The following FER1L6 variants were observed in gnomAD, a reference collection of about 807,000 sequenced individuals.
FER1L6 encodes fer-1-like protein 6.
A neutral mutation model predicts 219.2 loss-of-function variants in FER1L6; 177 were observed. The ratio of observed to expected loss-of-function variants is 0.81; its 90% CI spans 0.71 to 0.91. The LOEUF is 0.91. Among genes scored for constraint, FER1L6 ranks in the 40% least tolerant of loss-of-function variants. FER1L6 has a pLI of 0.00. For synonymous variants in FER1L6, 768 were observed against 824.3 expected (o/e 0.93, Z 1.17); for missense variants, 2,153 against 2,259.9 (o/e 0.95, Z 0.96).
chr8:123,911,921 G>A (rs573226878), intron 1 of FER1L6, among the ~76,000 whole-genome samples: 22 of 152,258 alleles, frequency 1.4e-4, no homozygotes, highest in East Asian at 1.4e-3. Context: ...AACAGCTGGC[G>A]TGTGCGCTGT....
chr8:123,912,841 A>T (rs1362998627), intron 1 of FER1L6, among the ~76,000 whole-genome samples: 1 of 152,230 alleles, frequency 6.6e-6, no homozygotes, highest in African/African-American at 2.4e-5. Context: ...CTGTTGCCCT[A>T]AATCCTCAAC....
At chr8:124,087,381 T>C (rs1049771419) in intron 33 of FER1L6, among the ~76,000 whole-genome samples, 1 of 152,150 alleles carries the variant, frequency 6.6e-6, no homozygotes, top group African/African-American at 2.4e-5. Flanking sequence ...CATTCTTCAG[T>C]ATGTCTGTTG....
At chr8:123,973,874 T>C (rs1815932702) in intron 7 of FER1L6, among the ~76,000 whole-genome samples, 2 of 152,208 alleles carry the variant, frequency 1.3e-5, no homozygotes. Flanking sequence ...ACTTAACTTC[T>C]CTGGGCCTCA....
chr8:124,048,369 T>C (rs1819830041), intron 21 of FER1L6, among the ~76,000 whole-genome samples: 1 of 152,230 alleles, frequency 6.6e-6, no homozygotes, highest in South Asian at 2.1e-4. Context: ...CAGTGAATAG[T>C]GCAGGCAACT....
chr8:124,003,324 G>T lies in FER1L6; in HGVS notation c.1677G>T (p.Lys559Asn). The change falls in exon 13 of 41, where the codon AAG becomes AAT. Residue 559 changes from lysine (K) to asparagine (N), a missense_variant. Coordinates refer to ENST00000522917, the MANE Select transcript of FER1L6 (RefSeq NM_001039112.2). ...TGGCCTCCACCACTCACCCGGAGAA[G>T]CCACTGGTGACAGAAGGGAACAGGT... ...IPMASTTHPE[K>N]PLVTEGNRNY... 6.2e-7 allele frequency: 1 copy of T among 1,613,348 alleles called. No homozygotes were observed. Among genetic ancestry groups the T allele is most frequent in the Non-Finnish European group, 8.5e-7 (1 of 1,179,936 alleles).
At chr8:123,997,557 T>C (rs1817189212) in intron 12 of FER1L6, among the ~76,000 whole-genome samples, 1 of 152,186 alleles carries the variant, frequency 6.6e-6, no homozygotes, top group Admixed American at 6.5e-5. Context: ...TCTCTAGGGT[T>C]GGGAAGCTCT....
At chr8:123,908,349 G>T (rs1228624986) in intron 1 of FER1L6, among the ~76,000 whole-genome samples, 1 of 152,166 alleles carries the variant, frequency 6.6e-6, no homozygotes, top group Non-Finnish European at 1.5e-5. Context: ...CTCTGCAATT[G>T]GGAGTGGTAT....
At chr8:124,064,048 T>G (rs1442635138) in intron 25 of FER1L6, among the ~76,000 whole-genome samples, 1 of 152,094 alleles carries the variant, frequency 6.6e-6, no homozygotes, top group African/African-American at 2.4e-5. Context: ...ACCCTAAACC[T>G]TGATTTTCAT....
chr8:123,945,096 C>T (rs1453471273), intron 1 of FER1L6, among the ~76,000 whole-genome samples: 2 of 152,166 alleles, frequency 1.3e-5, no homozygotes, highest in African/African-American at 4.8e-5. Flanking sequence ...AGTAGCAAAT[C>T]TTTATTGTGT....
rs1816517241 is a variant in FER1L6 at position 123,852,074 on chromosome 8, A to G, written c.-119A>G. 6.6e-6 allele frequency: 1 copy of G among 152,230 alleles called. No individual in the cohort carries two copies. Among genetic ancestry groups the G allele is most frequent in the South Asian group, 2.1e-4 (1 of 4,828 alleles). The allele number at this position is 152,230 out of a possible 1,614,324, so 9.4% of individuals were successfully genotyped here. A position where few individuals can be genotyped will look rare whatever the true frequency, so the allele number is the denominator to read the frequency against. On this transcript the variant is annotated 5_prime_UTR_variant, in exon 1 of 41. Coordinates refer to ENST00000522917, the MANE Select transcript of FER1L6 (RefSeq NM_001039112.2). The surrounding 1 kb of genome is among the most constrained non-coding windows in gnomAD (Gnocchi z 4.9). ...TTAGAACGGTTGGGAACACCGTGAG[A>G]CCAGTGAATTCCACGAGCACGAACC... is the stretch of plus-strand genomic sequence containing the variant.
intron 34 of FER1L6, among the ~76,000 whole-genome samples, chr8:124,092,123 T>A (rs1023409792): frequency 2.0e-5 from 3 of 152,166 alleles, no homozygotes; most frequent in African/African-American, 7.2e-5. Flanking sequence ...TGAAAATATA[T>A]CACATTTTTA....
At chr8:123,906,033 G>A (rs1391363120) in intron 1 of FER1L6, among the ~76,000 whole-genome samples, 4 of 152,174 alleles carry the variant, frequency 2.6e-5, no homozygotes, top group Non-Finnish European at 5.9e-5. Context: ...AAGACAGGCA[G>A]GTAAGGTTAT....
chr8:124,042,701 C>CA, intron 20 of FER1L6, among the ~76,000 whole-genome samples: 2 of 152,286 alleles, frequency 1.3e-5, no homozygotes, highest in Middle Eastern at 3.4e-3. Flanking sequence ...TGGGCCCCTG[C>CA]AGTCATAGCC....
intron 16 of FER1L6, among the ~76,000 whole-genome samples, 177 bp downstream of exon 16, chr8:124,017,895 G>C (rs899469947): frequency 5.3e-5 from 8 of 152,184 alleles, no homozygotes; most frequent in Non-Finnish European, 1.5e-5. Context: ...TTTATTGAAG[G>C]TTTATAAGGA....
chr8:123,884,185 G>A (rs916694068), intron 1 of FER1L6, among the ~76,000 whole-genome samples: 1 of 152,234 alleles, frequency 6.6e-6, no homozygotes, highest in Non-Finnish European at 1.5e-5. Context: ...AACACCATGT[G>A]TGTGCTGCCC....
intron 22 of FER1L6, 74 bp from the exon 23 acceptor site, chr8:124,060,106 T>C: frequency 1.9e-6 from 2 of 1,036,976 alleles, no homozygotes; most frequent in Non-Finnish European, 3.0e-6. Context: ...ATCTTACTGA[T>C]GAGGTGGTTG....
intron 19 of FER1L6, chr8:124,036,200 TTGTC>T (rs1819199353): frequency 6.6e-6 from 1 of 152,192 alleles, no homozygotes; most frequent in East Asian, 1.9e-4. Flanking sequence ...CACTGGAGAA[TTGTC>T]TGTAGAGTCA....
intron 5 of FER1L6, 84 bp downstream of exon 5, chr8:123,966,374 C>A: frequency 6.5e-7 from 1 of 1,549,492 alleles, no homozygotes. Flanking sequence ...AAACAAAGAG[C>A]TGTGCCCCTC....
intron 1 of FER1L6, among the ~76,000 whole-genome samples, chr8:123,942,245 A>G (rs1814270269): frequency 6.6e-6 from 1 of 152,048 alleles, no homozygotes; most frequent in Non-Finnish European, 1.5e-5. Context: ...AGTGCTCTGC[A>G]CTTTAGAGGC....
Sources: gnomAD v4.1 joint callset for allele counts (sites outside exome capture counted in the v4.1 genomes callset) on GRCh38, gnomAD v4.1.1 for gene constraint, Gnocchi (gnomAD v3.1) non-coding constraint, MANE v1.5 for transcripts, NCBI Gene and HGNC (gene_info 2026-07-23, HGNC 2026-07-21) for gene names.